PEAK1: variants seen among roughly 807,000 people sequenced by gnomAD.
The protein encoded by PEAK1 is pseudopodium enriched atypical kinase 1.
A neutral mutation model predicts 124.7 loss-of-function variants in PEAK1; 54 were observed. The ratio of observed to expected loss-of-function variants is 0.43; its 90% CI spans 0.35 to 0.54. PEAK1 has a LOEUF of 0.54. Among genes scored for constraint, PEAK1 ranks in the 20% least tolerant of loss-of-function variants. The pLI is 0.01. For synonymous variants in PEAK1, 719 were observed against 760.0 expected, an observed-to-expected ratio of 0.95 and a Z score of 0.89; for missense variants, 2,046 against 2,134.5, an observed-to-expected ratio of 0.96 and a Z score of 0.82.
At chr15:77,139,867 G>C (rs530598495) in intron 8 of PEAK1, among the ~76,000 whole-genome samples, 1 of 151,670 alleles carries the variant, frequency 6.6e-6, no homozygotes, top group South Asian at 2.1e-4. Flanking sequence ...GGAGGGAGGG[G>C]GAGAGAGAGA....
intron 7 of PEAK1, among the ~76,000 whole-genome samples, chr15:77,168,093 A>G (rs1478697898): frequency 6.6e-6 from 1 of 152,176 alleles, no homozygotes; most frequent in Non-Finnish European, 1.5e-5. Flanking sequence ...GCAAATTAAG[A>G]TATAACTGGA....
At chr15:77,383,140 CA>C (rs1259770038) in intron 1 of PEAK1, among the ~76,000 whole-genome samples, 6 of 151,300 alleles carry the variant, frequency 4.0e-5, no homozygotes, top group African/African-American at 1.5e-4. Flanking sequence ...TCTCCTTTCT[CA>C]GCCTCCCGAG....
chr15:77,244,520 T>C (rs922510635), intron 6 of PEAK1, among the ~76,000 whole-genome samples: 5 of 152,166 alleles, frequency 3.3e-5, no homozygotes, highest in African/African-American at 9.7e-5. Flanking sequence ...TGGGCTCTCC[T>C]GGTCCAACTA....
At chr15:77,333,007 T>C in intron 2 of PEAK1, 1 of 920,308 alleles carries the variant, frequency 1.1e-6, no homozygotes, top group Non-Finnish European at 1.3e-6. Flanking sequence ...CATTTCTTAT[T>C]GACTTATAAG....
chr15:77,228,759 A>T (rs994661676), intron 6 of PEAK1, among the ~76,000 whole-genome samples: 1 of 152,214 alleles, frequency 6.6e-6, no homozygotes, highest in Non-Finnish European at 1.5e-5. Flanking sequence ...AATGTTATAT[A>T]TTAAAATACT....
rs144179726 is a variant in PEAK1, at chr15:77,186,205, C to T, written c.-114-4165G>A. On this transcript the variant is annotated intron_variant, in intron 6 of 9. Transcript: ENST00000682557. Reference sequence around the variant, plus strand: ...CCTGTGTACTTAGCACTATGCAGCACTGAATACAAAAAAGAATAAGGCATC... The same window carrying T: ...CCTGTGTACTTAGCACTATGCAGCATTGAATACAAAAAAGAATAAGGCATC... 1.9e-3 allele frequency among the ~76,000 whole-genome samples: 293 copies of T among 152,150 alleles called. 1 individual carries two copies. Among genetic ancestry groups the T allele is most frequent in the East Asian group, 5.8e-4 (3 of 5,182 alleles).
intron 2 of PEAK1, among the ~76,000 whole-genome samples, chr15:77,304,514 T>C (rs890406560): frequency 4.1e-5 from 6 of 145,560 alleles, no homozygotes; most frequent in African/African-American, 1.5e-4. Context: ...AGTGGCGCGA[T>C]CTCTGCTCAC....
rs552547847 is a variant in PEAK1, at chr15:77,344,171, T to C, written c.-603+20992A>G. Reference sequence around the variant, plus strand: ...GTGCAGTGGCGCCATCTCCGCTCACTGCAAGCTCCGCCTCCCGGGTTCACG... The same window carrying C: ...GTGCAGTGGCGCCATCTCCGCTCACCGCAAGCTCCGCCTCCCGGGTTCACG... On this transcript the variant is annotated intron_variant, in intron 2 of 9. Coordinates refer to ENST00000682557, the MANE Select transcript of PEAK1 (RefSeq NM_001385026.1). 3.9e-5 allele frequency among the ~76,000 whole-genome samples: 6 copies of C among 152,290 alleles called. No homozygotes were observed. The South Asian group carries it at 1.2e-3, about 32-fold the overall frequency.
At chr15:77,235,495 G>C (rs2060080690) in intron 6 of PEAK1, among the ~76,000 whole-genome samples, 1 of 152,172 alleles carries the variant, frequency 6.6e-6, no homozygotes, top group African/African-American at 2.4e-5. Context: ...TTGAACTTGA[G>C]AGAGATGATT....
intron 7 of PEAK1, among the ~76,000 whole-genome samples, chr15:77,177,453 C>A (rs1430886544): frequency 2.0e-5 from 3 of 152,144 alleles, no homozygotes; most frequent in African/African-American, 7.2e-5. Flanking sequence ...GTAAAAAGCT[C>A]ATTTTAGTAA....
At chr15:77,269,194 C>T (rs964998028) in intron 5 of PEAK1, among the ~76,000 whole-genome samples, 27 of 151,596 alleles carry the variant, frequency 1.8e-4, no homozygotes, top group Non-Finnish European at 2.7e-4. Flanking sequence ...AGTAATGGGC[C>T]GAAATGCTCC....
chr15:77,250,157 A>C (rs1033003560), intron 6 of PEAK1, among the ~76,000 whole-genome samples: 1 of 142,148 alleles, frequency 7.0e-6, no homozygotes, highest in Non-Finnish European at 1.5e-5. Flanking sequence ...ATATATATAC[A>C]TATATATACA....
intron 9 of PEAK1, among the ~76,000 whole-genome samples, chr15:77,123,264 T>C (rs959340090): frequency 6.6e-6 from 1 of 152,214 alleles, no homozygotes; most frequent in African/African-American, 2.4e-5. Flanking sequence ...AGTAACTGCA[T>C]CCAAATTTCC....
At chr15:77,417,955 T>C (rs747686851) in intron 1 of PEAK1, 27 of 970,178 alleles carry the variant, frequency 2.8e-5, no homozygotes, top group African/African-American at 3.5e-5. Flanking sequence ...TACATTACCA[T>C]AAATGTACAA....
intron 2 of PEAK1, among the ~76,000 whole-genome samples, chr15:77,321,653 T>C (rs1159361884): frequency 6.6e-6 from 1 of 152,250 alleles, no homozygotes; most frequent in East Asian, 1.9e-4. Context: ...AGAAGCTCTT[T>C]AGTTTAATTA....
intron 6 of PEAK1, among the ~76,000 whole-genome samples, chr15:77,242,494 T>A (rs2060402973): frequency 6.6e-6 from 1 of 152,134 alleles, no homozygotes; most frequent in African/African-American, 2.4e-5. Flanking sequence ...AGTGCATGTC[T>A]TTGAGGAAAT....
At chr15:77,167,919 G>C (rs1039247660) in intron 7 of PEAK1, among the ~76,000 whole-genome samples, 1 of 152,008 alleles carries the variant, frequency 6.6e-6, no homozygotes, top group Non-Finnish European at 1.5e-5. Context: ...CCCGGTGTGT[G>C]AGGTTCCCCG....
downstream of PEAK1, chr15:77,105,363 C>CGCGCGT (rs552069288): frequency 1.2e-4 from 18 of 151,402 alleles, no homozygotes; most frequent in African/African-American, 4.2e-4. Context: ...TGTGTGCGCG[C>CGCGCGT]GTGCGCGCAC....
chr15:77,394,769 A>G (rs1037421598), intron 1 of PEAK1, among the ~76,000 whole-genome samples: 4 of 152,244 alleles, frequency 2.6e-5, no homozygotes, highest in African/African-American at 9.6e-5. Context: ...ACCATCCAGG[A>G]AAACATGACC....
Sources: gnomAD v4.1 joint callset for allele counts (sites outside exome capture counted in the v4.1 genomes callset) on GRCh38, gnomAD v4.1.1 for gene constraint, MANE v1.5 for transcripts, NCBI Gene and HGNC (gene_info 2026-07-23, HGNC 2026-07-21) for gene names.